The following UBAP2 variants were observed in gnomAD, a reference collection of about 807,000 sequenced individuals.
UBAP2 encodes the protein ubiquitin-associated protein 2.
UBAP2 carries 75 observed loss-of-function variants against 139.6 expected under a neutral mutation model. The observed-to-expected ratio is 0.54, with a 90% CI of 0.45 to 0.65. The LOEUF is 0.65. Among genes scored for constraint, UBAP2 ranks in the 30% least tolerant of loss-of-function variants. The probability of loss-of-function intolerance (pLI) is 0.00; values close to 1 mark genes in which losing one functional copy is unlikely to be tolerated. For missense variants in UBAP2, 1,368 were observed against 1,369.6 expected (o/e 1.00, Z 0.02); for synonymous variants, 526 against 526.2 (o/e 1.00, Z 0.01).
At chr9:33,928,082 C>G (rs980698499) in intron 19 of UBAP2, 90 bp from the exon 20 acceptor site, 22 of 1,370,000 alleles carry the variant, frequency 1.6e-5, no homozygotes, top group Non-Finnish European at 2.1e-5. Flanking sequence ...GCCCAAGTCT[C>G]AAGGCTGAGC....
chr9:33,971,486 CTT>C (rs1827911176), intron 8 of UBAP2, among the ~76,000 whole-genome samples, 163 bp downstream of exon 8: 1 of 152,210 alleles, frequency 6.6e-6, no homozygotes, highest in South Asian at 2.1e-4. Context: ...ATGTGACAGA[CTT>C]TGGGTGGTAA....
chr9:33,990,704 C>T (rs1259983831), intron 4 of UBAP2, among the ~76,000 whole-genome samples: 2 of 148,752 alleles, frequency 1.3e-5, no homozygotes, highest in African/African-American at 2.5e-5. Flanking sequence ...GGCACAGTCT[C>T]GGCTCACTGC....
intron 13 of UBAP2, 55 bp downstream of exon 13, chr9:33,948,319 G>A (rs1296091969): frequency 1.4e-6 from 2 of 1,464,062 alleles, no homozygotes; most frequent in African/African-American, 1.4e-5. Context: ...AACACACTCT[G>A]CCAAAGCTTG....
At chr9:34,039,846 CTAAAAA>C (rs1826884290) in intron 1 of UBAP2, among the ~76,000 whole-genome samples, 1 of 13,870 alleles carries the variant, frequency 7.2e-5, no homozygotes, top group African/African-American at 2.8e-4. Context: ...TCAATAAATA[CTAAAAA>C]AAAAAAAAAA....
Position 33,953,465 on chromosome 9 carries a change from C to A in UBAP2, c.876G>T (p.Leu292=), listed in dbSNP as rs1826275131. Residue 292 remains leucine, a synonymous_variant, in exon 12 of 29, where the codon CTG becomes CTT. Transcript: ENST00000379238. ...NHILPGQSID[L]VALLQKPVPH... ...GAACAGGCTTCTGGAGCAAGGCTAC[C>A]AGATCAATGCTAAGCAGACAAAAAG... 6.2e-7 allele frequency: 1 copy of A among 1,613,724 alleles called. No homozygotes were observed. The highest frequency in any genetic ancestry group is 8.5e-7 in the Non-Finnish European group (1 of 1,179,890).
rs1564012977 is a variant in UBAP2 at position 33,923,388 on chromosome 9, A to G, written c.2887T>C (p.Tyr963His). The change falls in exon 25 of 29, where the codon TAC becomes CAC. Residue 963 changes from tyrosine (Y) to histidine (H), a missense_variant. By Grantham distance (83) the Tyr-to-His change is moderately conservative. Coordinates refer to ENST00000379238, the MANE Select transcript of UBAP2 (RefSeq NM_001370062.2). ...QQASGYGQHG[Y>H]STGYDDLTQG... ...GGGAAGTACCCCTCACCTGTACTGT[A>G]GCCGTGCTGGCCATAACCACTGGCC... is the stretch of plus-strand genomic sequence containing the variant. 3.1e-6 allele frequency: 5 copies of G among 1,614,160 alleles called. No homozygotes were observed. Among genetic ancestry groups the G allele is most frequent in the Non-Finnish European group, 4.2e-6 (5 of 1,180,000 alleles).
intron 2 of UBAP2, among the ~76,000 whole-genome samples, chr9:34,006,287 C>T (rs1338804278): frequency 6.6e-6 from 1 of 150,650 alleles, no homozygotes; most frequent in African/African-American, 2.4e-5. Flanking sequence ...AACAAACATC[C>T]ACTGGACAAC....
rs1034747024 is a variant in UBAP2, at chr9:33,921,738, C to A, written c.*766G>T. The A allele has an allele frequency of 6.6e-6, 1 of 152,614 alleles. No homozygotes were observed. The highest frequency in any genetic ancestry group is 2.4e-5 in the African/African-American group (1 of 41,434). 9.5% of individuals were successfully genotyped at this position (152,614 alleles called of 1,614,324 possible). A position where few individuals can be genotyped will look rare whatever the true frequency, so the allele number is the denominator to read the frequency against. ...AGGTGGGGATTGGGCAAGAGAAAAC[C>A]CCTGAAACAGTTGCCCACGTGGTTC... On this transcript the variant is annotated 3_prime_UTR_variant, in exon 29 of 29. Transcript: ENST00000379238.
At position 33,959,543 on chromosome 9, in the gene UBAP2, AG is replaced by A. The variant is rs144945277; in HGVS notation, c.798+1282del. On this transcript the variant is annotated intron_variant, in intron 10 of 28. Coordinates refer to ENST00000379238, the MANE Select transcript of UBAP2 (RefSeq NM_001370062.2). Reference sequence around the variant, plus strand: ...CTAGAACTTGACAGTCAAACAGAAAAGAGGTATAAAATTTTATGGTATTGGG... The same window carrying A: ...CTAGAACTTGACAGTCAAACAGAAAAAGGTATAAAATTTTATGGTATTGGG... Among the ~76,000 whole-genome samples, 1,008 of 152,304 alleles carry A rather than the reference AG, an allele frequency of 6.6e-3. 22 individuals are homozygous for A. The East Asian group carries it at 0.07, about 11-fold the overall frequency.
intron 1 of UBAP2, among the ~76,000 whole-genome samples, chr9:34,032,121 C>G (rs1825941345): frequency 6.6e-6 from 1 of 152,086 alleles, no homozygotes; most frequent in African/African-American, 2.4e-5. Flanking sequence ...CATAGCATGA[C>G]CCTATAGCAC....
At chr9:33,930,047 ACT>A (rs1823832061) in intron 19 of UBAP2, among the ~76,000 whole-genome samples, 1 of 151,990 alleles carries the variant, frequency 6.6e-6, no homozygotes, top group African/African-American at 2.4e-5. Context: ...AAAATTAAAA[ACT>A]CACATAAAGG....
At chr9:34,043,703 C>T (rs1587709413) in intron 1 of UBAP2, among the ~76,000 whole-genome samples, 1 of 151,992 alleles carries the variant, frequency 6.6e-6, no homozygotes, top group East Asian at 1.9e-4. Context: ...ACTATATTGC[C>T]CACGCTGGTC....
At chr9:33,974,722 C>T (rs1828165683) in intron 6 of UBAP2, among the ~76,000 whole-genome samples, 1 of 152,136 alleles carries the variant, frequency 6.6e-6, no homozygotes, top group Non-Finnish European at 1.5e-5. Flanking sequence ...GAGGCCAAGG[C>T]AGGCGGATCA....
chr9:33,981,849 G>T (rs1820795611), intron 6 of UBAP2, among the ~76,000 whole-genome samples: 1 of 143,446 alleles, frequency 7.0e-6, no homozygotes, highest in Non-Finnish European at 1.5e-5. Context: ...GGGGGAAAGG[G>T]AGGGAGGGAA....
At chr9:33,942,493 T>C (rs1398396022) in intron 15 of UBAP2, among the ~76,000 whole-genome samples, 1 of 152,060 alleles carries the variant, frequency 6.6e-6, no homozygotes. Flanking sequence ...TTTGGGAGGC[T>C]GATGCAGGCA....
At chr9:33,999,029 AG>A (rs1822447463) in intron 2 of UBAP2, among the ~76,000 whole-genome samples, 165 bp from the exon 3 acceptor site, 1 of 152,232 alleles carries the variant, frequency 6.6e-6, no homozygotes, top group African/African-American at 2.4e-5. Flanking sequence ...CTGTTCCCAT[AG>A]GAAAAATAAG....
chr9:34,021,127 T>C (rs184826611), intron 1 of UBAP2, among the ~76,000 whole-genome samples: 13 of 152,326 alleles, frequency 8.5e-5, no homozygotes, highest in African/African-American at 3.1e-4. Context: ...AGACTAACCA[T>C]AATTCATCAT....
intron 10 of UBAP2, among the ~76,000 whole-genome samples, chr9:33,958,044 C>A (rs1826714346): frequency 6.6e-6 from 1 of 152,076 alleles, no homozygotes; most frequent in Non-Finnish European, 1.5e-5. Flanking sequence ...CAGCTACAAA[C>A]TCAACCTCCC....
intron 6 of UBAP2, among the ~76,000 whole-genome samples, chr9:33,976,660 C>T (rs1196512208): frequency 6.6e-6 from 1 of 152,110 alleles, no homozygotes; most frequent in Non-Finnish European, 1.5e-5. Flanking sequence ...CAATTGTACA[C>T]TAAATGGATG....
Sources: gnomAD v4.1 joint callset for allele counts (sites outside exome capture counted in the v4.1 genomes callset) on GRCh38, gnomAD v4.1.1 for gene constraint, MANE v1.5 for transcripts, NCBI Gene and HGNC (gene_info 2026-07-23, HGNC 2026-07-21) for gene names.